Variants in ASPH observed in about 807,000 individuals in gnomAD.
ASPH encodes the protein aspartyl/asparaginyl beta-hydroxylase.
A neutral mutation model predicts 118.4 loss-of-function variants in ASPH; 100 were observed. The observed-to-expected ratio is 0.84, with a 90% confidence interval of 0.72 to 1.00. The LOEUF is 1.00. ASPH is among the 50% of genes least tolerant of loss of function. ASPH has a pLI of 0.00. For synonymous variants in ASPH, 315 were observed against 325.6 expected, an observed-to-expected ratio of 0.97 and a Z score of 0.35; for missense variants, 920 against 919.5, an observed-to-expected ratio of 1.00 and a Z score of -0.01.
intron 15 of ASPH, chr8:61,579,653 T>C: frequency 1.4e-6 from 2 of 1,479,392 alleles, no homozygotes; most frequent in Non-Finnish European, 1.9e-6. Context: ...CCGAGTCCTC[T>C]GACATCCTGC....
At chr8:61,525,207 G>A (rs1474085927) in intron 22 of ASPH, among the ~76,000 whole-genome samples, 5 of 152,114 alleles carry the variant, frequency 3.3e-5, no homozygotes, top group East Asian at 1.9e-4. Context: ...TATGCAGCAC[G>A]TGCTGTTTAG....
rs757706024 is a variant in ASPH at position 61,631,183 on chromosome 8, C to T, written c.934+2500G>A. ...TAGGTTTACAAATTTAAAAAAATTA[C>T]AGTAAACCAAGGTTAATTATTAAAG... On this transcript the variant is annotated intron_variant, in intron 13 of 24. Transcript: ENST00000379454. Among the ~76,000 whole-genome samples, 4 of 151,932 alleles carry T rather than the reference C, an allele frequency of 2.6e-5. No individual in the cohort carries two copies. The South Asian group carries it at 8.3e-4, about 32-fold the overall frequency.
Position 61,682,622 on chromosome 8 carries a change from T to C in ASPH, c.253+1417A>G, listed in dbSNP as rs1828676842. 3 of 751,130 alleles carry C rather than the reference T, an allele frequency of 4.0e-6. No homozygotes were observed. In the East Asian group the frequency reaches 8.3e-5, roughly 21 times the overall value. The allele number at this position is 751,130 out of a possible 1,614,324, so 46.5% of individuals were successfully genotyped here. On this transcript the variant is annotated intron_variant, in intron 2 of 24. Transcript: ENST00000379454. ...GCATAGATCTACTCAGAAATTTGTC[T>C]CCAGACTAAAATTCTCCCTCAGTTG...
chr8:61,521,512 A>AC (rs896760824), intron 22 of ASPH, among the ~76,000 whole-genome samples: 13 of 152,178 alleles, frequency 8.5e-5, no homozygotes, highest in Non-Finnish European at 1.8e-4. Context: ...CAGGACTCTA[A>AC]CCTAGGATTG....
At chr8:61,662,018 C>G (rs183119660) in intron 3 of ASPH, 1 of 366,936 alleles carries the variant, frequency 2.7e-6, no homozygotes, top group Non-Finnish European at 4.9e-6. Flanking sequence ...CATTCACATA[C>G]GAAGCCATTA....
chr8:61,593,178 C>T (rs1275758423), intron 14 of ASPH, among the ~76,000 whole-genome samples: 1 of 152,200 alleles, frequency 6.6e-6, no homozygotes, highest in African/African-American at 2.4e-5. Context: ...AATATGCAGA[C>T]AGCCATGGAG....
Position 61,714,376 on chromosome 8 carries a change from C to A in ASPH, c.-5G>T. ...GGCATTCTTACGCTGGGCCATTGCA[C>A]GGTCCGCGGGGGCTGGTGAGGGCTG... is the stretch of plus-strand genomic sequence containing the variant. On this transcript the variant is annotated 5_prime_UTR_variant, in exon 1 of 25. Coordinates refer to ENST00000379454, the MANE Select transcript of ASPH (RefSeq NM_004318.4). 6.6e-7 allele frequency: 1 copy of A among 1,510,246 alleles called. No homozygotes were observed. Among genetic ancestry groups the A allele is most frequent in the Non-Finnish European group, 8.9e-7 (1 of 1,128,814 alleles). 93.6% of individuals were successfully genotyped at this position (1,510,246 alleles called of 1,614,324 possible).
At chr8:61,507,527 A>G (rs1807081316) in intron 24 of ASPH, among the ~76,000 whole-genome samples, 2 of 152,204 alleles carry the variant, frequency 1.3e-5, no homozygotes, top group South Asian at 2.1e-4. Flanking sequence ...GTTATTAGAG[A>G]TAGAATGACT....
In ASPH at chr8:61,564,298, T is replaced by C. The variant is rs572977532; in HGVS notation, c.1301-1418A>G. Among the ~76,000 whole-genome samples, 138 of 130,816 alleles carry C rather than the reference T, an allele frequency of 1.1e-3. No homozygotes were observed. In the East Asian group the frequency reaches 0.028, roughly 26 times the overall value. 85.8% of individuals were successfully genotyped at this position (130,816 alleles called of 152,430 possible). A position where few individuals can be genotyped will look rare whatever the true frequency, so the allele number is the denominator to read the frequency against. ...GAGGAAAACTCAGTAATGCTGATTC[T>C]TTTTTTTTTTTTTTTTTTGAGATGG... On this transcript the variant is annotated intron_variant, in intron 17 of 24. Transcript: ENST00000379454.
chr8:61,522,973 G>A (rs1013331095), intron 22 of ASPH, among the ~76,000 whole-genome samples: 2 of 152,098 alleles, frequency 1.3e-5, no homozygotes, highest in African/African-American at 4.8e-5. Flanking sequence ...ATTTTGCGGG[G>A]TACACAGTTC....
In ASPH at chr8:61,617,824, T is replaced by C. The variant is rs149922897; in HGVS notation, c.976+1154A>G. On this transcript the variant is annotated intron_variant, in intron 14 of 24. Transcript: ENST00000379454. Reference sequence around the variant, plus strand: ...GGCATGTGTCTGTAATCCCAGCTACTCGGGAGGCTGAGGCAGGAGAATTGC... The same window carrying C: ...GGCATGTGTCTGTAATCCCAGCTACCCGGGAGGCTGAGGCAGGAGAATTGC... Among the ~76,000 whole-genome samples the C allele has an allele frequency of 4.3e-4, 64 of 150,396 alleles. No homozygotes were observed. The East Asian group carries it at 0.012, about 29-fold the overall frequency.
chr8:61,710,851 A>C (rs941530775), intron 1 of ASPH, among the ~76,000 whole-genome samples: 3 of 152,234 alleles, frequency 2.0e-5, no homozygotes, highest in Non-Finnish European at 2.9e-5. Context: ...CACTCAAAGT[A>C]GAAAGAAAAA....
At chr8:61,555,851 G>T in intron 19 of ASPH, 73 bp downstream of exon 19, 1 of 1,311,522 alleles carries the variant, frequency 7.6e-7, no homozygotes. Context: ...CAATCTACAA[G>T]GAATAAGCAA....
In ASPH at chr8:61,688,151, C is replaced by T. The variant is rs538002856; in HGVS notation, c.104-3963G>A. 2.0e-5 allele frequency among the ~76,000 whole-genome samples: 3 copies of T among 152,178 alleles called. No homozygotes were observed. In the East Asian group the frequency reaches 5.8e-4, roughly 29 times the overall value. On this transcript the variant is annotated intron_variant, in intron 1 of 24. Transcript: ENST00000379454. ...CAAATCTGAAACCAGTATCTTGTTC[C>T]AAAGGTATTTGGGAAGAACATCTAG...
chr8:61,585,820 C>G (rs1022435459), intron 14 of ASPH, among the ~76,000 whole-genome samples: 6 of 152,176 alleles, frequency 3.9e-5, no homozygotes, highest in Non-Finnish European at 5.9e-5. Context: ...GGGTCTGAGT[C>G]CCAGCTCTGT....
chr8:61,679,641 T>C (rs1826980472), intron 3 of ASPH, among the ~76,000 whole-genome samples: 1 of 151,908 alleles, frequency 6.6e-6, no homozygotes, highest in Admixed American at 6.6e-5. Flanking sequence ...TTGGCCCACA[T>C]TTTATTTTAT....
chr8:61,553,796 G>C (rs1445323503), intron 19 of ASPH, among the ~76,000 whole-genome samples: 1 of 152,130 alleles, frequency 6.6e-6, no homozygotes, highest in Non-Finnish European at 1.5e-5. Flanking sequence ...TAAAGCAACA[G>C]AATGCGTTTA....
intron 23 of ASPH, 136 bp downstream of exon 23, chr8:61,517,896 A>C: frequency 8.8e-7 from 1 of 1,138,184 alleles, no homozygotes; most frequent in East Asian, 2.4e-5. Context: ...ACCACATAAA[A>C]TTATGTTTCA....
rs913573295 is a variant in ASPH, at chr8:61,677,924, A to T, written c.322+3044T>A. ...CAAAAGCATTTGAACAAAACTGTTT[A>T]CCCAGCCAAGCAACCTTCCTGTGGT... On this transcript the variant is annotated intron_variant, in intron 3 of 24. Transcript: ENST00000379454. Among the ~76,000 whole-genome samples, 4 of 152,178 alleles carry T rather than the reference A, an allele frequency of 2.6e-5. No homozygotes were observed. In the East Asian group the frequency reaches 7.7e-4, roughly 29 times the overall value.
Sources: allele counts gnomAD v4.1 joint callset (sites outside exome capture counted in the v4.1 genomes callset), GRCh38; gene constraint gnomAD v4.1.1; transcripts MANE v1.5; gene names NCBI Gene and HGNC (gene_info 2026-07-23, HGNC 2026-07-21).